Variants in COTL1 observed in about 807,000 individuals in gnomAD.
The protein encoded by COTL1 is coactosin-like protein.
A neutral mutation model predicts 16.5 loss-of-function variants in COTL1; 15 were observed. That is an observed-to-expected ratio of 0.91 (90% CI 0.61 to 1.40). The LOEUF (loss-of-function observed/expected upper bound fraction) is 1.40, where lower values mean the gene tolerates loss of function less well. Ranked by LOEUF, COTL1 falls within the 40% of genes most tolerant of loss-of-function variation. The pLI, the probability that COTL1 is intolerant of heterozygous loss-of-function variation, is 0.00. For missense variants in COTL1, 220 were observed against 201.5 expected (o/e 1.09, Z -0.56); for synonymous variants, 112 against 85.3 (o/e 1.31, Z -1.73).
At chr16:84,568,803 C>T (rs1249027158) in intron 3 of COTL1, 1 of 152,096 alleles carries the variant, frequency 6.6e-6, no homozygotes, top group Admixed American at 6.5e-5. Flanking sequence ...TAAAAAGGCC[C>T]GTAAGGTGAT....
At chr16:84,592,572 C>G (rs1431309494) in intron 2 of COTL1, among the ~76,000 whole-genome samples, 6 of 148,474 alleles carry the variant, frequency 4.0e-5, no homozygotes, top group African/African-American at 1.5e-4. Context: ...GATGCTGATG[C>G]TACTGGTCAA....
intron 3 of COTL1, among the ~76,000 whole-genome samples, chr16:84,586,111 G>A (rs1253908069): frequency 6.6e-6 from 1 of 152,176 alleles, no homozygotes; most frequent in Non-Finnish European, 1.5e-5. Flanking sequence ...CTGACCCAGA[G>A]GGACCACCAT....
chr16:84,592,617 C>CAATCTGCGTTTCTTCCTAG (rs1904897849), intron 2 of COTL1, among the ~76,000 whole-genome samples: 4 of 130,076 alleles, frequency 3.1e-5, no homozygotes, highest in Non-Finnish European at 5.1e-5. Flanking sequence ...AAAAAAAAAT[C>CAATCTGCGTTTCTTCCTAG]AATCTGCGTT....
chr16:84,611,880 T>C (rs17827507), intron 2 of COTL1, among the ~76,000 whole-genome samples: 35,025 of 152,108 alleles, frequency 0.23, 4,320 homozygotes, highest in Admixed American at 0.32. Flanking sequence ...CTGTAAGCCC[T>C]TTCTGCTGTG....
At position 84,613,006 on chromosome 16, in the gene COTL1, CT is replaced by C. The variant is rs71151230; in HGVS notation, c.160+4494del. Among the ~76,000 whole-genome samples the C allele has an allele frequency of 7.6e-3, 1,048 of 137,244 alleles. 11 individuals carry two copies. Among genetic ancestry groups the C allele is most frequent in the African/African-American group, 0.027 (1,001 of 36,458 alleles). 90.0% of individuals were successfully genotyped at this position (137,244 alleles called of 152,430 possible). On this transcript the variant is annotated intron_variant, in intron 2 of 3. Transcript: ENST00000262428. ...TGACTCTTTCTTTCTTTCTTTCTTTCTTTTTTTTTTTTGAGATAGAGTCTCA... is the reference window on the plus strand; with the variant it reads ...TGACTCTTTCTTTCTTTCTTTCTTTCTTTTTTTTTTTGAGATAGAGTCTCA...
At chr16:84,598,658 C>T (rs1905052984) in intron 2 of COTL1, among the ~76,000 whole-genome samples, 1 of 4,924 alleles carries the variant, frequency 2.0e-4, no homozygotes, top group Non-Finnish European at 9.6e-4. Context: ...TCCCCCCCAA[C>T]CCCCCCCACC....
At chr16:84,578,099 G>C (rs1242067055) in intron 3 of COTL1, among the ~76,000 whole-genome samples, 1 of 152,122 alleles carries the variant, frequency 6.6e-6, no homozygotes, top group African/African-American at 2.4e-5. Context: ...TCCCCACCGA[G>C]TCCAGGCTTA....
chr16:84,586,708 C>T (rs1031545288), intron 3 of COTL1, among the ~76,000 whole-genome samples: 2 of 152,092 alleles, frequency 1.3e-5, no homozygotes, highest in Non-Finnish European at 2.9e-5. Context: ...CTCAGCCTCC[C>T]GAGTAGCTGG....
chr16:84,566,851 C>G lies in COTL1; in HGVS notation c.423G>C (p.Thr141=), dbSNP rs773568755. Residue 141 remains threonine (T), a synonymous_variant, in exon 4 of 4, where the codon ACG becomes ACC. Transcript: ENST00000262428. ...GGTGTGGCGGGGGCTGGGGTTACTC[C>G]GTCTGGGCGTCGTAATTGGCTCCCC... ...KAGGANYDAQ[T]E 13 of 1,610,536 alleles carry G rather than the reference C, an allele frequency of 8.1e-6. No homozygotes were observed. Among genetic ancestry groups the G allele is most frequent in the Non-Finnish European group, 1.1e-5 (13 of 1,177,200 alleles).
At position 84,590,908 on chromosome 16, in the gene COTL1, C is replaced by G. The variant is rs967646268; in HGVS notation, c.161-646G>C. On this transcript the variant is annotated intron_variant, in intron 2 of 3. Transcript: ENST00000262428. The surrounding 1 kb of genome is among the most constrained non-coding windows in gnomAD (Gnocchi z 5.5). Reference sequence around the variant, plus strand: ...GCTCTTAATTTGGCCCGGGATATGGCTCCGAGGATATTTCACTTATGACTA... The same window carrying G: ...GCTCTTAATTTGGCCCGGGATATGGGTCCGAGGATATTTCACTTATGACTA... Among the ~76,000 whole-genome samples, 4 of 152,074 alleles carry G rather than the reference C, an allele frequency of 2.6e-5. No individual in the cohort carries two copies. Among genetic ancestry groups the G allele is most frequent in the African/African-American group, 9.7e-5 (4 of 41,390 alleles).
At chr16:84,583,146 A>C (rs1484424814) in intron 3 of COTL1, among the ~76,000 whole-genome samples, 1 of 152,224 alleles carries the variant, frequency 6.6e-6, no homozygotes, top group African/African-American at 2.4e-5. Flanking sequence ...CTGAGCCCAC[A>C]GCCTGGATTC....
chr16:84,613,487 G>A (rs1310255068), intron 2 of COTL1, among the ~76,000 whole-genome samples: 1 of 152,128 alleles, frequency 6.6e-6, no homozygotes, highest in Non-Finnish European at 1.5e-5. Context: ...GTGTGAGGGA[G>A]GGTGTGTGGA....
intron 3 of COTL1, among the ~76,000 whole-genome samples, chr16:84,581,961 G>C (rs1215424950): frequency 6.7e-6 from 1 of 149,448 alleles, no homozygotes; most frequent in Non-Finnish European, 1.5e-5. Flanking sequence ...GAGCCTACAT[G>C]AGCAGATACA....
At chr16:84,617,330 GAGA>G (rs1040559583) in intron 2 of COTL1, among the ~76,000 whole-genome samples, 168 bp downstream of exon 2, 4 of 152,154 alleles carry the variant, frequency 2.6e-5, no homozygotes, top group Non-Finnish European at 5.9e-5. Flanking sequence ...GTCCAGAGGG[GAGA>G]AGGTTTTATG....
intron 3 of COTL1, among the ~76,000 whole-genome samples, chr16:84,580,509 C>G (rs1459574069): frequency 6.6e-6 from 1 of 152,198 alleles, no homozygotes; most frequent in Non-Finnish European, 1.5e-5. Context: ...CTTCAGCTCC[C>G]CTAAGGGCTC....
chr16:84,571,952 C>T (rs1383028093), intron 3 of COTL1, among the ~76,000 whole-genome samples: 1 of 152,254 alleles, frequency 6.6e-6, no homozygotes, highest in East Asian at 1.9e-4. Flanking sequence ...CCCCCAGAGG[C>T]TTACAAAGGT....
chr16:84,617,817 A>G (rs1905538198), intron 1 of COTL1, 21 bp downstream of exon 1: 1 of 1,563,024 alleles, frequency 6.4e-7, no homozygotes, highest in Non-Finnish European at 8.7e-7. Flanking sequence ...CGGGGCGTGG[A>G]GACGAATGAA....
At chr16:84,567,182 G>A (rs1295085680) in intron 3 of COTL1, 2 of 484,876 alleles carry the variant, frequency 4.1e-6, no homozygotes, top group South Asian at 2.2e-5. Context: ...AGGGAGTGGG[G>A]CAGATCTGAT....
chr16:84,578,623 A>G (rs1904504936), intron 3 of COTL1, among the ~76,000 whole-genome samples: 1 of 151,992 alleles, frequency 6.6e-6, no homozygotes, highest in Non-Finnish European at 1.5e-5. Context: ...ACACACCAAC[A>G]CACACACACG....
Sources: allele counts gnomAD v4.1 joint callset (sites outside exome capture counted in the v4.1 genomes callset), GRCh38; gene constraint gnomAD v4.1.1; non-coding constraint Gnocchi (gnomAD v3.1); transcripts MANE v1.5; gene names NCBI Gene and HGNC (gene_info 2026-07-23, HGNC 2026-07-21).